PRKG1: variants seen among roughly 807,000 people sequenced by gnomAD.
PRKG1 encodes protein kinase cGMP-dependent 1, also known as cGMP-dependent protein kinase 1.
In PRKG1, 35 loss-of-function variants were observed where a neutral mutation model predicts 88.1. The ratio of observed to expected loss-of-function variants is 0.40; its 90% CI spans 0.30 to 0.53. PRKG1 has a LOEUF of 0.53. PRKG1 is among the 20% of genes least tolerant of loss of function. The pLI is 0.59. For missense variants in PRKG1, 540 were observed against 839.8 expected (o/e 0.64, Z 4.41); for synonymous variants, 303 against 292.5 (o/e 1.04, Z -0.37).
At chr10:51,669,981 T>A (rs952398019) in intron 3 of PRKG1, among the ~76,000 whole-genome samples, 1 of 152,218 alleles carries the variant, frequency 6.6e-6, no homozygotes, top group African/African-American at 2.4e-5. Flanking sequence ...AAATTATGGC[T>A]TTATGATAAA....
At chr10:51,537,875 A>G (rs978983428) in intron 3 of PRKG1, among the ~76,000 whole-genome samples, 17 of 152,166 alleles carry the variant, frequency 1.1e-4, no homozygotes, top group African/African-American at 4.1e-4. Context: ...AAACAAGAAC[A>G]GTACACTTTG....
rs141280381 is a variant in PRKG1 at position 51,940,704 on chromosome 10, C to T, written c.762+33134C>T. On this transcript the variant is annotated intron_variant, in intron 5 of 17. Coordinates refer to ENST00000373980, the MANE Select transcript of PRKG1 (RefSeq NM_006258.4). ...GGAGTGAGGGGAGGGTTTTTTGGGA[C>T]CTTCAAGCACCACTTCTCTTCAACT... is the stretch of plus-strand genomic sequence containing the variant. 6.6e-4 allele frequency among the ~76,000 whole-genome samples: 101 copies of T among 151,880 alleles called. 1 individual carries two copies. The highest frequency in any genetic ancestry group is 2.3e-3 in the African/African-American group (94 of 41,328).
At chr10:51,124,288 G>A (rs1845340577) in intron 1 of PRKG1, among the ~76,000 whole-genome samples, 1 of 151,832 alleles carries the variant, frequency 6.6e-6, no homozygotes, top group Non-Finnish European at 1.5e-5. Flanking sequence ...ATTCTCTTTT[G>A]TGGACCCAAA....
At chr10:51,486,064 T>C (rs1219166341) in intron 3 of PRKG1, among the ~76,000 whole-genome samples, 1 of 152,202 alleles carries the variant, frequency 6.6e-6, no homozygotes, top group Non-Finnish European at 1.5e-5. Flanking sequence ...CCGTTCATCT[T>C]GTAATCATTA....
At chr10:51,203,685 G>A (rs1837971131) in intron 2 of PRKG1, among the ~76,000 whole-genome samples, 1 of 152,136 alleles carries the variant, frequency 6.6e-6, no homozygotes, top group Non-Finnish European at 1.5e-5. Flanking sequence ...AATATCTTAA[G>A]CTCTCTAGGC....
chr10:51,662,859 G>C (rs940794196), intron 3 of PRKG1, among the ~76,000 whole-genome samples: 5 of 152,034 alleles, frequency 3.3e-5, no homozygotes, highest in African/African-American at 1.2e-4. Flanking sequence ...TTTTTATGGA[G>C]TTAGTGAATA....
rs34624885 is a variant in PRKG1, at chr10:51,204,367, CGTGTGT to C, written c.478+51066_478+51071del. On this transcript the variant is annotated intron_variant, in intron 2 of 17. Transcript: ENST00000373980. ...TATTTAGATTATTTGAGTAGACCTC[CGTGTGT>C]GTGTGTGTGTGTGTGTGTGTGTGTG... Among the ~76,000 whole-genome samples, 167 of 145,932 alleles carry C rather than the reference CGTGTGT, an allele frequency of 1.1e-3. 2 individuals are homozygous for C. The highest frequency in any genetic ancestry group is 2.9e-3 in the Admixed American group (42 of 14,580).
chr10:52,055,493 A>C (rs931337130), intron 6 of PRKG1, among the ~76,000 whole-genome samples: 1 of 152,186 alleles, frequency 6.6e-6, no homozygotes, highest in Non-Finnish European at 1.5e-5. Flanking sequence ...GAATTTATTT[A>C]TATCTTAAAA....
At chr10:51,559,562 G>T (rs927610644) in intron 3 of PRKG1, among the ~76,000 whole-genome samples, 80 of 152,102 alleles carry the variant, frequency 5.3e-4, no homozygotes, top group African/African-American at 1.8e-3. Flanking sequence ...CTCATATATT[G>T]CCTTCCTTTG....
At chr10:51,936,300 C>A (rs1842798957) in intron 5 of PRKG1, among the ~76,000 whole-genome samples, 1 of 151,952 alleles carries the variant, frequency 6.6e-6, no homozygotes, top group Non-Finnish European at 1.5e-5. Flanking sequence ...TTCCCTGTTG[C>A]TGATGGCCTC....
At chr10:51,437,074 G>A (rs897972275) in intron 2 of PRKG1, among the ~76,000 whole-genome samples, 10 of 151,858 alleles carry the variant, frequency 6.6e-5, no homozygotes, top group Admixed American at 6.6e-5. Flanking sequence ...GTCCTTGTTA[G>A]CCAACCCGAT....
At chr10:51,530,788 A>G (rs1440088595) in intron 3 of PRKG1, among the ~76,000 whole-genome samples, 1 of 152,026 alleles carries the variant, frequency 6.6e-6, no homozygotes, top group East Asian at 1.9e-4. Flanking sequence ...ACCCACCCCA[A>G]GAAATTTCCT....
rs36009989 is a variant in PRKG1, at chr10:51,875,310, G to GA, written c.699-32185dup. 5.2e-3 allele frequency among the ~76,000 whole-genome samples: 751 copies of GA among 144,232 alleles called. 4 individuals are homozygous for GA. The highest frequency in any genetic ancestry group is 7.8e-3 in the Non-Finnish European group (511 of 65,328). 94.6% of individuals were successfully genotyped at this position (144,232 alleles called of 152,430 possible). ...TGTGAGAAATGCTTTAAGCTTTAATGAAAAAAAAAAAATACTGCACATGAG... is the reference window on the plus strand; with the variant it reads ...TGTGAGAAATGCTTTAAGCTTTAATGAAAAAAAAAAAAATACTGCACATGAG... On this transcript the variant is annotated intron_variant, in intron 4 of 17. Transcript: ENST00000373980.
At chr10:52,149,478 G>T (rs72803144) in intron 8 of PRKG1, among the ~76,000 whole-genome samples, 6,011 of 152,082 alleles carry the variant, frequency 0.04, 162 homozygotes, top group Admixed American at 0.082. Context: ...CTTTCAAAAG[G>T]TATAATAATT....
chr10:51,181,548 T>G lies in PRKG1; in HGVS notation c.478+28218T>G, dbSNP rs551464108. On this transcript the variant is annotated intron_variant, in intron 2 of 17. Coordinates refer to ENST00000373980, the MANE Select transcript of PRKG1 (RefSeq NM_006258.4). ...GAGCCACCGCGCCCGGCCTAGAATTTTTTTAATTGTAATATTTTCCTGGGA... is the reference window on the plus strand; with the variant it reads ...GAGCCACCGCGCCCGGCCTAGAATTGTTTTAATTGTAATATTTTCCTGGGA... Among the ~76,000 whole-genome samples the G allele has an allele frequency of 1.8e-4, 28 of 152,190 alleles. No individual in the cohort carries two copies. In the South Asian group the frequency reaches 5.4e-3, roughly 29 times the overall value.
chr10:51,965,488 CT>C (rs1317205037), intron 5 of PRKG1, among the ~76,000 whole-genome samples: 1 of 152,120 alleles, frequency 6.6e-6, no homozygotes, highest in Non-Finnish European at 1.5e-5. Flanking sequence ...TTTGAACTAT[CT>C]TGTTTTCTGG....
At chr10:51,350,777 T>C (rs537015036) in intron 2 of PRKG1, among the ~76,000 whole-genome samples, 1 of 152,298 alleles carries the variant, frequency 6.6e-6, no homozygotes, top group African/African-American at 2.4e-5. Context: ...TTCTTTTTCT[T>C]TAATATACTT....
At chr10:51,370,872 T>C (rs547805650) in intron 2 of PRKG1, among the ~76,000 whole-genome samples, 1 of 152,062 alleles carries the variant, frequency 6.6e-6, no homozygotes, top group Non-Finnish European at 1.5e-5. Context: ...TACATGGCCA[T>C]GCGTAGGGAC....
intron 1 of PRKG1, among the ~76,000 whole-genome samples, chr10:51,126,229 AT>A (rs1469307175): frequency 1.5e-3 from 179 of 120,748 alleles, no homozygotes; most frequent in African/African-American, 5.5e-3. Context: ...ATATTTATAT[AT>A]TTATAATTAT....
Sources: gnomAD v4.1 joint callset for allele counts (sites outside exome capture counted in the v4.1 genomes callset) on GRCh38, gnomAD v4.1.1 for gene constraint, MANE v1.5 for transcripts, NCBI Gene and HGNC (gene_info 2026-07-23, HGNC 2026-07-21) for gene names.